Variants in OSBPL10 observed in about 807,000 individuals in gnomAD.
OSBPL10 encodes oxysterol binding protein like 10.
In OSBPL10, 49 loss-of-function variants were observed where a neutral mutation model predicts 81.7. The ratio of observed to expected loss-of-function variants is 0.60; its 90% CI spans 0.48 to 0.76. The LOEUF (loss-of-function observed/expected upper bound fraction) is 0.76, where lower values mean the gene tolerates loss of function less well. Ranked by LOEUF, OSBPL10 falls within the 30% of genes least tolerant of loss-of-function variation. The pLI, the probability that OSBPL10 is intolerant of heterozygous loss-of-function variation, is 0.00. For synonymous variants in OSBPL10, 419 were observed against 383.6 expected (o/e 1.09, Z -1.08); for missense variants, 923 against 987.8 (o/e 0.93, Z 0.88).
chr3:32,046,492 C>T (rs1335451603), exon 2 of OSBPL10: 1 of 152,168 alleles, frequency 6.6e-6, no homozygotes, highest in South Asian at 2.1e-4. Context: ...ATAACTCACC[C>T]AGGCATCTGC....
chr3:31,854,140 G>GTT (rs34484240), intron 3 of OSBPL10, among the ~76,000 whole-genome samples: 709 of 146,296 alleles, frequency 4.8e-3, no homozygotes, highest in South Asian at 0.01. Context: ...TCTCAGTAAA[G>GTT]TTTTTTTTTT....
intron 1 of OSBPL10, among the ~76,000 whole-genome samples, chr3:31,961,993 C>G (rs1292909751): frequency 6.9e-6 from 1 of 145,494 alleles, no homozygotes; most frequent in Non-Finnish European, 1.5e-5. Flanking sequence ...CTCGCTCTGT[C>G]GCCCAGGCTG....
At chr3:31,708,218 A>T (rs1354264413) in intron 6 of OSBPL10, among the ~76,000 whole-genome samples, 1 of 152,198 alleles carries the variant, frequency 6.6e-6, no homozygotes, top group East Asian at 1.9e-4. Flanking sequence ...GATCACAGGC[A>T]TGAACCACTG....
chr3:32,076,514 G>C (rs1251409831), intron 1 of OSBPL10, among the ~76,000 whole-genome samples: 1 of 152,104 alleles, frequency 6.6e-6, no homozygotes, highest in African/African-American at 2.4e-5. Context: ...ACAACCTTAA[G>C]GCATCTGGTC....
At chr3:32,040,217 G>A (rs1319617731) in intron 2 of OSBPL10, among the ~76,000 whole-genome samples, 2 of 152,206 alleles carry the variant, frequency 1.3e-5, no homozygotes, top group Non-Finnish European at 2.9e-5. Flanking sequence ...GACCAGCCTG[G>A]CCAACATGGT....
intron 5 of OSBPL10, among the ~76,000 whole-genome samples, chr3:31,745,160 T>C (rs1194685094): frequency 6.6e-6 from 1 of 152,190 alleles, no homozygotes; most frequent in African/African-American, 2.4e-5. Flanking sequence ...TACACGCAAA[T>C]CTCCTAGACT....
At chr3:31,785,636 G>A (rs4955199) in intron 4 of OSBPL10, among the ~76,000 whole-genome samples, 81,338 of 151,482 alleles carry the variant, frequency 0.54, 24,213 homozygotes, top group East Asian at 0.78. Context: ...TCTCTGAGCC[G>A]TTTTTTTTTC....
intron 1 of OSBPL10, among the ~76,000 whole-genome samples, chr3:31,941,231 CTG>C (rs1416751007): frequency 6.6e-6 from 1 of 152,066 alleles, no homozygotes; most frequent in African/African-American, 2.4e-5. Context: ...ACACAGGAGA[CTG>C]TATTATATCA....
intron 7 of OSBPL10, 70 bp downstream of exon 7, chr3:31,702,289 T>G (rs199715269): frequency 7.6e-5 from 117 of 1,540,368 alleles, no homozygotes; most frequent in Non-Finnish European, 9.9e-5. Flanking sequence ...AGAATGTGCA[T>G]AGAGAAGGCT....
At chr3:31,941,362 G>A (rs1233820859) in intron 1 of OSBPL10, among the ~76,000 whole-genome samples, 1 of 152,188 alleles carries the variant, frequency 6.6e-6, no homozygotes, top group African/African-American at 2.4e-5. Context: ...ATCTCAGGGA[G>A]GGCATCCTGA....
intron 3 of OSBPL10, among the ~76,000 whole-genome samples, chr3:31,863,989 T>C (rs892664607): frequency 6.6e-6 from 1 of 152,150 alleles, no homozygotes; most frequent in Non-Finnish European, 1.5e-5. Context: ...AGCGTTGATA[T>C]TTGCTGAGTA....
intron 1 of OSBPL10, among the ~76,000 whole-genome samples, chr3:31,925,456 T>C (rs900583969): frequency 7.3e-5 from 11 of 151,224 alleles, no homozygotes; most frequent in African/African-American, 2.7e-4. Context: ...ACTACCAGAG[T>C]GACTGTTAAA....
At chr3:31,961,703 C>T (rs908918052) in intron 1 of OSBPL10, among the ~76,000 whole-genome samples, 3 of 151,902 alleles carry the variant, frequency 2.0e-5, no homozygotes, top group Admixed American at 6.6e-5. Flanking sequence ...TGGGCTCAAG[C>T]CATCCTCCCA....
intron 1 of OSBPL10, among the ~76,000 whole-genome samples, chr3:31,895,134 C>CTTTTTTTTTTTT (rs10529845): frequency 2.9e-4 from 36 of 124,888 alleles, no homozygotes; most frequent in African/African-American, 5.7e-4. Flanking sequence ...TCTCTGCGGC[C>CTTTTTTTTTTTT]TTTTTTTTTT....
chr3:31,828,758 C>G (rs1423544093), intron 4 of OSBPL10, among the ~76,000 whole-genome samples: 1 of 152,194 alleles, frequency 6.6e-6, no homozygotes, highest in African/African-American at 2.4e-5. Flanking sequence ...CTCTCGAACT[C>G]CTGACCTCAA....
intron 6 of OSBPL10, among the ~76,000 whole-genome samples, chr3:31,731,324 T>C (rs1696965040): frequency 6.6e-6 from 1 of 152,104 alleles, no homozygotes; most frequent in Admixed American, 6.6e-5. Context: ...CCCTACTACA[T>C]GGAATCAAAC....
chr3:31,732,936 GC>G, intron 6 of OSBPL10: 1 of 359,734 alleles, frequency 2.8e-6, no homozygotes, highest in South Asian at 2.7e-5. Flanking sequence ...TATTGTAACT[GC>G]TCCCATCATG....
At chr3:31,933,941 A>C (rs1697316370) in intron 1 of OSBPL10, among the ~76,000 whole-genome samples, 1 of 152,158 alleles carries the variant, frequency 6.6e-6, no homozygotes, top group South Asian at 2.1e-4. Context: ...TAAGAATAAA[A>C]TCATTCAAAG....
intron 4 of OSBPL10, among the ~76,000 whole-genome samples, chr3:31,809,311 T>A (rs1399882674): frequency 1.3e-5 from 2 of 152,110 alleles, no homozygotes; most frequent in South Asian, 4.1e-4. Flanking sequence ...CCCAATCAAG[T>A]AGAACATGTA....
Sources: gnomAD v4.1 joint callset for allele counts (sites outside exome capture counted in the v4.1 genomes callset) on GRCh38, gnomAD v4.1.1 for gene constraint, MANE v1.5 for transcripts, NCBI Gene and HGNC (gene_info 2026-07-23, HGNC 2026-07-21) for gene names.